Variants in NT5DC3 observed in about 807,000 individuals in gnomAD.
NT5DC3 encodes 5'-nucleotidase domain-containing protein 3.
NT5DC3 carries 42 observed loss-of-function variants against 67.8 expected under a neutral mutation model. The observed-to-expected ratio is 0.62, with a 90% CI of 0.48 to 0.80. The LOEUF is 0.80. Ranked by LOEUF, NT5DC3 falls within the 30% of genes least tolerant of loss-of-function variation. The pLI is 0.00. For missense variants in NT5DC3, 570 were observed against 696.4 expected, an observed-to-expected ratio of 0.82 and a Z score of 2.04; for synonymous variants, 237 against 255.6, an observed-to-expected ratio of 0.93 and a Z score of 0.69.
At chr12:103,756,681 C>T in the NT5DC3 span, among the ~76,000 whole-genome samples, 7 of 152,092 alleles carry the variant, frequency 4.6e-5, no homozygotes, top group African/African-American at 1.7e-4. Context: ...GGCCACTGTT[C>T]CGAGTAGAAT....
In NT5DC3 at chr12:103,841,204, T is replaced by C; in HGVS notation, c.-48A>G. ...CGCCGCCGCGCCGCTCTGCGACTGCTGCTGCCCGGCCCAAGATCTACCCGC... is the reference window on the plus strand; with the variant it reads ...CGCCGCCGCGCCGCTCTGCGACTGCCGCTGCCCGGCCCAAGATCTACCCGC... On this transcript the variant is annotated 5_prime_UTR_variant, in exon 1 of 14. Coordinates refer to ENST00000392876, the MANE Select transcript of NT5DC3 (RefSeq NM_001031701.3). 1 of 568,112 alleles carries C rather than the reference T, an allele frequency of 1.8e-6. No individual in the cohort carries two copies. Among genetic ancestry groups the C allele is most frequent in the Non-Finnish European group, 3.0e-6 (1 of 328,884 alleles). 35.2% of individuals were successfully genotyped at this position (568,112 alleles called of 1,614,324 possible).
the NT5DC3 span, among the ~76,000 whole-genome samples, chr12:103,758,799 A>G: frequency 6.6e-6 from 1 of 152,188 alleles, no homozygotes; most frequent in Non-Finnish European, 1.5e-5. Context: ...TATTTATTCA[A>G]TTCACGCACA....
intron 13 of NT5DC3, 102 bp downstream of exon 13, chr12:103,780,198 G>A (rs1185374935): frequency 5.2e-6 from 5 of 963,334 alleles, no homozygotes; most frequent in Non-Finnish European, 8.5e-6. Flanking sequence ...AAAATAGGAT[G>A]TTTCAACATT....
intron 4 of NT5DC3, among the ~76,000 whole-genome samples, chr12:103,805,569 G>C (rs976586614): frequency 2.0e-5 from 3 of 152,110 alleles, no homozygotes; most frequent in African/African-American, 7.2e-5. Flanking sequence ...AAGACGCCCG[G>C]GCGTGGTGAC....
intron 6 of NT5DC3, among the ~76,000 whole-genome samples, chr12:103,794,707 T>C (rs1043407896): frequency 6.6e-6 from 1 of 152,238 alleles, no homozygotes; most frequent in African/African-American, 2.4e-5. Flanking sequence ...CGGCAAATTC[T>C]ATAACACAGA....
the NT5DC3 span, among the ~76,000 whole-genome samples, chr12:103,756,069 T>C: frequency 1.3e-5 from 2 of 152,202 alleles, no homozygotes; most frequent in African/African-American, 4.8e-5. Context: ...TCATCTCTGT[T>C]TGTATGTGGA....
At chr12:103,797,280 G>A (rs1430823386) in intron 5 of NT5DC3, among the ~76,000 whole-genome samples, 7 of 152,076 alleles carry the variant, frequency 4.6e-5, no homozygotes, top group Admixed American at 4.6e-4. Flanking sequence ...GATCAGCCTG[G>A]ACAACATCGT....
intron 1 of NT5DC3, among the ~76,000 whole-genome samples, chr12:103,834,961 T>C (rs1054196411): frequency 4.6e-5 from 7 of 152,220 alleles, no homozygotes; most frequent in African/African-American, 1.4e-4. Flanking sequence ...TGACTGTGCC[T>C]TCCTACAAGA....
intron 6 of NT5DC3, 151 bp from the exon 7 acceptor site, chr12:103,794,148 CTTCT>C (rs1432364395): frequency 2.9e-4 from 141 of 489,002 alleles, no homozygotes; most frequent in Admixed American, 9.0e-4. Context: ...CCATTTTCTT[CTTCT>C]TTTTTTTTTT....
At chr12:103,760,401 C>T in the NT5DC3 span, among the ~76,000 whole-genome samples, 3 of 152,174 alleles carry the variant, frequency 2.0e-5, no homozygotes, top group African/African-American at 7.2e-5. Flanking sequence ...GCTGGGACTA[C>T]AGGTGCCCGC....
At chr12:103,791,958 T>C (rs1886085273) in intron 9 of NT5DC3, among the ~76,000 whole-genome samples, 2 of 152,144 alleles carry the variant, frequency 1.3e-5, no homozygotes, top group South Asian at 4.1e-4. Flanking sequence ...CGGCCCCTGG[T>C]GCCAAAAAGG....
At chr12:103,811,274 C>A (rs1313493580) in intron 2 of NT5DC3, among the ~76,000 whole-genome samples, 1 of 126,690 alleles carries the variant, frequency 7.9e-6, no homozygotes, top group African/African-American at 3.0e-5. Context: ...ATTCACAAAT[C>A]TGCGGGTGGG....
chr12:103,823,387 C>T (rs889591200), intron 1 of NT5DC3, among the ~76,000 whole-genome samples: 1 of 152,134 alleles, frequency 6.6e-6, no homozygotes, highest in Admixed American at 6.5e-5. Context: ...CACGACCTCA[C>T]TTAATGCAAG....
chr12:103,809,490 C>A (rs975059835), intron 2 of NT5DC3, among the ~76,000 whole-genome samples: 1 of 152,174 alleles, frequency 6.6e-6, no homozygotes, highest in Non-Finnish European at 1.5e-5. Flanking sequence ...TAAACACATA[C>A]CTGAAACTGG....
intron 12 of NT5DC3, 92 bp from the exon 13 acceptor site, chr12:103,780,456 G>T: frequency 8.7e-7 from 1 of 1,149,658 alleles, no homozygotes; most frequent in Non-Finnish European, 1.3e-6. Flanking sequence ...TTTTCTAGGA[G>T]AAATTTTATT....
chr12:103,800,966 T>C (rs563160950), intron 4 of NT5DC3, among the ~76,000 whole-genome samples: 2 of 152,288 alleles, frequency 1.3e-5, no homozygotes, highest in Admixed American at 6.5e-5. Context: ...AGTTGGTCTA[T>C]GTAAGCACTA....
At chr12:103,788,405 C>T (rs1165492933) in intron 10 of NT5DC3, among the ~76,000 whole-genome samples, 1 of 152,176 alleles carries the variant, frequency 6.6e-6, no homozygotes, top group Non-Finnish European at 1.5e-5. Context: ...ATGTTCATGC[C>T]ACTGCACTCC....
At chr12:103,805,211 C>T (rs1483948391) in intron 4 of NT5DC3, among the ~76,000 whole-genome samples, 1 of 152,062 alleles carries the variant, frequency 6.6e-6, no homozygotes, top group African/African-American at 2.4e-5. Flanking sequence ...TCCTTATCTA[C>T]CACAGCAGGG....
intron 1 of NT5DC3, 125 bp downstream of exon 1, chr12:103,840,824 G>T: frequency 2.5e-6 from 1 of 401,678 alleles, no homozygotes; most frequent in Non-Finnish European, 4.3e-6. Flanking sequence ...TGTGGGCACC[G>T]GGGTTCGCGA....
Sources: gnomAD v4.1 joint callset for allele counts (sites outside exome capture counted in the v4.1 genomes callset) on GRCh38, gnomAD v4.1.1 for gene constraint, MANE v1.5 for transcripts, NCBI Gene and HGNC (gene_info 2026-07-23, HGNC 2026-07-21) for gene names.